The following ARHGAP21 variants were observed in gnomAD, a reference collection of about 807,000 sequenced individuals.
The protein encoded by ARHGAP21 is Rho GTPase activating protein 21.
Under a neutral mutation model 164.6 loss-of-function variants are expected in ARHGAP21, and 38 were observed. The observed-to-expected ratio is 0.23, with a 90% CI of 0.18 to 0.30. ARHGAP21 has a LOEUF of 0.30. Among genes scored for constraint, ARHGAP21 ranks in the 10% least tolerant of loss-of-function variants. The pLI is 1.00. For synonymous variants in ARHGAP21, 766 were observed against 857.9 expected (o/e 0.89, Z 1.87); for missense variants, 1,822 against 2,370.7 (o/e 0.77, Z 4.81).
At chr10:24,613,256 C>A (rs375568684) in intron 9 of ARHGAP21, among the ~76,000 whole-genome samples, 2 of 152,142 alleles carry the variant, frequency 1.3e-5, no homozygotes, top group African/African-American at 4.8e-5. Context: ...ATTCACATGG[C>A]CTTCTCATCT....
At chr10:24,698,359 C>T (rs1843359901) in intron 2 of ARHGAP21, among the ~76,000 whole-genome samples, 1 of 152,150 alleles carries the variant, frequency 6.6e-6, no homozygotes, top group South Asian at 2.1e-4. Context: ...AACACACTTG[C>T]TCAGTCACAC....
intron 2 of ARHGAP21, among the ~76,000 whole-genome samples, chr10:24,690,827 C>CA (rs11285145): frequency 0.016 from 2,283 of 142,398 alleles, 65 homozygotes; most frequent in African/African-American, 0.055. Context: ...GACTCCATCT[C>CA]AAAAAAAAAA....
At chr10:24,630,466 CA>C (rs1454388461) in intron 6 of ARHGAP21, among the ~76,000 whole-genome samples, 1 of 152,080 alleles carries the variant, frequency 6.6e-6, no homozygotes, top group Non-Finnish European at 1.5e-5. Flanking sequence ...AATTCATTAA[CA>C]TCAAAGAACC....
At chr10:24,653,011 A>G (rs1361123759) in intron 4 of ARHGAP21, among the ~76,000 whole-genome samples, 1 of 152,230 alleles carries the variant, frequency 6.6e-6, no homozygotes, top group East Asian at 1.9e-4. Context: ...AAAAAAATTC[A>G]ATGTCAATTA....
intron 7 of ARHGAP21, among the ~76,000 whole-genome samples, chr10:24,627,349 T>G (rs955943591): frequency 6.6e-6 from 1 of 152,198 alleles, no homozygotes; most frequent in Non-Finnish European, 1.5e-5. Flanking sequence ...AAGATCTGCA[T>G]AAGTACTTCT....
chr10:24,591,058 G>A, intron 24 of ARHGAP21, 167 bp downstream of exon 24: 1 of 550,002 alleles, frequency 1.8e-6, no homozygotes, highest in African/African-American at 2.1e-5. Context: ...GTCACTGGAA[G>A]ATAATTCAGA....
chr10:24,722,047 A>G lies in ARHGAP21; in HGVS notation c.-148T>C. 1 of 808,396 alleles carries G rather than the reference A, an allele frequency of 1.2e-6. No homozygotes were observed. Among genetic ancestry groups the G allele is most frequent in the Non-Finnish European group, 2.1e-6 (1 of 487,628 alleles). The allele number at this position is 808,396 out of a possible 1,614,324, so 50.1% of individuals were successfully genotyped here. ...GTTGAAACAGACAACGTGCCAGGGA[A>G]TAAAGGTTTTCAGGAAGCGCCTTCA... On this transcript the variant is annotated 5_prime_UTR_variant, in exon 2 of 26. Coordinates refer to ENST00000396432, the MANE Select transcript of ARHGAP21 (RefSeq NM_020824.4).
intron 10 of ARHGAP21, 53 bp from the exon 11 acceptor site, chr10:24,607,654 C>G: frequency 6.2e-7 from 1 of 1,610,562 alleles, no homozygotes; most frequent in African/African-American, 1.3e-5. Context: ...TTCCCAGATT[C>G]TTTTAACGGT....
Position 24,586,013 on chromosome 10 carries a change from C to T in ARHGAP21, c.4276G>A (p.Glu1426Lys), listed in dbSNP as rs749603047. The stretch of plus-strand genomic sequence containing the variant: ...TCTGAGCTGCTAGGCTGTGCTTTTT[C>T]TTTCGGCTTCTTCCTCTTGCGACTA... ...AASRKRKKPK[E>K]KAQPSSSEDE... is the part of the protein sequence containing the mutation. The change falls in exon 26 of 26, where the codon GAA becomes AAA. Residue 1426 changes from glutamate (E) to lysine (K), a missense_variant. By Grantham distance (56) the Glu-to-Lys change is moderately conservative. Coordinates refer to ENST00000396432, the MANE Select transcript of ARHGAP21 (RefSeq NM_020824.4). The T allele has an allele frequency of 2.2e-5, 35 of 1,613,982 alleles. No individual in the cohort carries two copies. In the Admixed American group the frequency reaches 5.7e-4, roughly 26 times the overall value.
intron 4 of ARHGAP21, among the ~76,000 whole-genome samples, chr10:24,655,909 C>T (rs1838796775): frequency 8.4e-6 from 1 of 119,228 alleles, no homozygotes; most frequent in Non-Finnish European, 1.8e-5. Flanking sequence ...GGCCGAGACC[C>T]CGTCTGGGAG....
At chr10:24,698,745 T>A (rs1843386113) in intron 2 of ARHGAP21, among the ~76,000 whole-genome samples, 1 of 152,204 alleles carries the variant, frequency 6.6e-6, no homozygotes, top group Admixed American at 6.5e-5. Context: ...CAATGTGAAC[T>A]AAAATTAAGG....
At chr10:24,598,773 T>C (rs932546448) in intron 14 of ARHGAP21, among the ~76,000 whole-genome samples, 1 of 152,218 alleles carries the variant, frequency 6.6e-6, no homozygotes, top group African/African-American at 2.4e-5. Flanking sequence ...TTATCTTGAA[T>C]TTAAATAGAC....
At chr10:24,696,525 A>G (rs1311522557) in intron 2 of ARHGAP21, among the ~76,000 whole-genome samples, 1 of 152,158 alleles carries the variant, frequency 6.6e-6, no homozygotes, top group Non-Finnish European at 1.5e-5. Flanking sequence ...AGTGGGGCAG[A>G]GTGGTTCTGA....
In ARHGAP21 at chr10:24,585,689, G is replaced by A; in HGVS notation, c.4600C>T (p.Gln1534Ter). Residue 1534 changes from glutamine (Q) to a stop codon, truncating the protein, a stop_gained, in exon 26 of 26, where the codon CAG becomes TAG. Coordinates refer to ENST00000396432, the MANE Select transcript of ARHGAP21 (RefSeq NM_020824.4). LOFTEE classifies it low-confidence loss of function (END_TRUNC). ...GTCTCTTCAAGGTGGGAGGACTTCT[G>A]TGCCAGAAGTGACCTGGGGCTCTCT... is the stretch of plus-strand genomic sequence containing the variant. ...LKESPRSLLAQKSSHLEETGS... is the reference protein window; with the variant it reads ...LKESPRSLLA 3 of 1,614,184 alleles carry A rather than the reference G, an allele frequency of 1.9e-6. No homozygotes were observed. Among genetic ancestry groups the A allele is most frequent in the Non-Finnish European group, 2.5e-6 (3 of 1,180,032 alleles).
rs2076006812 is a variant in ARHGAP21, at chr10:24,584,278, T to C, written c.*134A>G. The C allele has an allele frequency of 4.3e-6, 4 of 935,216 alleles. No individual in the cohort carries two copies. The highest frequency in any genetic ancestry group is 6.4e-6 in the Non-Finnish European group (4 of 620,616). The allele number at this position is 935,216 out of a possible 1,614,324, so 57.9% of individuals were successfully genotyped here. ...TGTAGTAATGCACTGTAAAGCTATT[T>C]CACAGTGCAAAATGATGAAACCAGC... On this transcript the variant is annotated 3_prime_UTR_variant, in exon 26 of 26. Transcript: ENST00000396432.
intron 4 of ARHGAP21, among the ~76,000 whole-genome samples, chr10:24,658,375 C>T (rs1839299962): frequency 6.6e-6 from 1 of 151,668 alleles, no homozygotes; most frequent in Non-Finnish European, 1.5e-5. Flanking sequence ...CACATGCACA[C>T]ACACATATGT....
At chr10:24,597,910 A>G in intron 15 of ARHGAP21, 35 bp downstream of exon 15, 1 of 1,590,042 alleles carries the variant, frequency 6.3e-7, no homozygotes, top group Non-Finnish European at 8.6e-7. Context: ...CTGATTTTAT[A>G]TCCAAATTAA....
intron 9 of ARHGAP21, among the ~76,000 whole-genome samples, chr10:24,608,192 G>A (rs934529944): frequency 4.6e-5 from 7 of 152,092 alleles, no homozygotes; most frequent in African/African-American, 7.2e-5. Flanking sequence ...TAGGTACCTC[G>A]AACCTAAACC....
chr10:24,633,495 TAAA>T lies in ARHGAP21; in HGVS notation c.362-18_362-16del. 1 of 1,584,866 alleles carries T rather than the reference TAAA, an allele frequency of 6.3e-7. No individual in the cohort carries two copies. Among genetic ancestry groups the T allele is most frequent in the East Asian group, 2.2e-5 (1 of 44,578 alleles). Reference sequence around the variant, plus strand: ...AATTCGGTCACCTTCAAAGAGAAGTTAAAAAACAAATGAGAGATCCTGCAGAAA... The same window carrying T: ...AATTCGGTCACCTTCAAAGAGAAGTTAAACAAATGAGAGATCCTGCAGAAA... On this transcript the variant is annotated splice_polypyrimidine_tract_variant and intron_variant, in intron 5 of 25. Transcript: ENST00000396432.
Sources: allele counts gnomAD v4.1 joint callset (sites outside exome capture counted in the v4.1 genomes callset), GRCh38; gene constraint gnomAD v4.1.1; transcripts MANE v1.5; gene names NCBI Gene and HGNC (gene_info 2026-07-23, HGNC 2026-07-21).